HEPH: variants seen among roughly 807,000 people sequenced by gnomAD.
The protein encoded by HEPH is hephaestin.
Under a neutral mutation model 80.8 loss-of-function variants are expected in HEPH, and 69 were observed. That is an observed-to-expected ratio of 0.85 (90% CI 0.70 to 1.04). The LOEUF (loss-of-function observed/expected upper bound fraction) is 1.04, where lower values mean the gene tolerates loss of function less well. Ranked by LOEUF, HEPH falls within the 50% of genes least tolerant of loss-of-function variation. The pLI, the probability that HEPH is intolerant of heterozygous loss-of-function variation, is 0.00. For synonymous variants in HEPH, 431 were observed against 322.8 expected, an observed-to-expected ratio of 1.34 and a Z score of -3.60; for missense variants, 1,115 against 891.3, an observed-to-expected ratio of 1.25 and a Z score of -3.20.
At chrX:66,180,854 G>T (rs1275471014) in intron 4 of HEPH, among the ~76,000 whole-genome samples, 1 of 49,284 alleles carries the variant, frequency 2.0e-5, no homozygotes, top group Non-Finnish European at 3.7e-5. Context: ...CCCCTCCCCC[G>T]ACCCCACCAC....
intron 4 of HEPH, among the ~76,000 whole-genome samples, chrX:66,186,371 AC>A (rs1394607555): frequency 9.2e-6 from 1 of 109,140 alleles, no homozygotes; most frequent in East Asian, 2.9e-4. Flanking sequence ...TGGGCGTAGG[AC>A]CCTCTGAGCC....
At chrX:66,178,785 TG>T (rs1281062503) in intron 4 of HEPH, among the ~76,000 whole-genome samples, 2 of 112,297 alleles carry the variant, frequency 1.8e-5, no homozygotes, top group East Asian at 5.6e-4. Context: ...CACTTTTTGA[TG>T]GGGTTGTTTA....
At chrX:66,200,803 G>A in intron 12 of HEPH, 51 bp downstream of exon 12, 1 of 1,005,676 alleles carries the variant, frequency 9.9e-7, no homozygotes, top group Non-Finnish European at 1.4e-6. Flanking sequence ...ATAGGGCCAG[G>A]AATGGGGTCG....
intron 15 of HEPH, among the ~76,000 whole-genome samples, chrX:66,213,751 CA>C (rs1406755449): frequency 1.8e-5 from 2 of 111,243 alleles, no homozygotes; most frequent in Non-Finnish European, 3.8e-5. Context: ...GATGAAGTTA[CA>C]ATAATTAAAG....
intron 4 of HEPH, among the ~76,000 whole-genome samples, chrX:66,179,556 T>C (rs1213902490): frequency 8.9e-6 from 1 of 111,759 alleles, no homozygotes; most frequent in African/African-American, 3.2e-5. Flanking sequence ...TGAAATATTC[T>C]GTATGTATCT....
intron 15 of HEPH, among the ~76,000 whole-genome samples, chrX:66,241,964 G>A (rs999344427): frequency 6.4e-5 from 7 of 109,147 alleles, no homozygotes; most frequent in East Asian, 5.7e-4. Flanking sequence ...AGATTCAATG[G>A]TATTCCTATC....
intron 15 of HEPH, among the ~76,000 whole-genome samples, chrX:66,247,977 C>A (rs1311764478): frequency 9.0e-6 from 1 of 111,471 alleles, no homozygotes. Flanking sequence ...TGATTTGCAC[C>A]ATCTTCCCTT....
chrX:66,189,796 T>A lies in HEPH; in HGVS notation c.921T>A (p.Phe307Leu), dbSNP rs2087692803. ...ATGAAATTGATGTCCACACAGCATTTTTCCATGGACAGATGCTGACTACCC... is the reference window on the plus strand; with the variant it reads ...ATGAAATTGATGTCCACACAGCATTATTCCATGGACAGATGCTGACTACCC... Reference protein sequence around the residue: ...MGNEIDVHTAFFHGQMLTTRG... With the variant: ...MGNEIDVHTALFHGQMLTTRG... Residue 307 changes from phenylalanine (F) to leucine (L), a missense_variant, in exon 6 of 21, where the codon TTT (phenylalanine) becomes TTA (leucine). Phe to Leu is a conservative substitution (Grantham distance 22). Coordinates refer to ENST00000343002, the MANE Select transcript of HEPH (RefSeq NM_001367233.3). 8.3e-7 allele frequency: 1 copy of A among 1,211,407 alleles called. No homozygotes were observed. Among genetic ancestry groups the A allele is most frequent in the Non-Finnish European group, 1.1e-6 (1 of 895,464 alleles).
At chrX:66,186,376 C>T (rs1364018195) in intron 4 of HEPH, among the ~76,000 whole-genome samples, 2 of 110,827 alleles carry the variant, frequency 1.8e-5, no homozygotes, top group Non-Finnish European at 3.8e-5. Flanking sequence ...GTAGGACCCT[C>T]TGAGCCAGTT....
chrX:66,215,302 A>G (rs2089338226), intron 15 of HEPH, among the ~76,000 whole-genome samples: 1 of 106,982 alleles, frequency 9.3e-6, no homozygotes, highest in Admixed American at 1.0e-4. Context: ...GTCTTCTTGA[A>G]CTCCCTTATT....
chrX:66,176,931 C>T (rs1201877882), intron 4 of HEPH, among the ~76,000 whole-genome samples: 3 of 111,052 alleles, frequency 2.7e-5, no homozygotes, highest in Non-Finnish European at 3.8e-5. Context: ...TCTAAAACAC[C>T]AAAAGCAATG....
chrX:66,216,021 G>T (rs943719840), intron 15 of HEPH, among the ~76,000 whole-genome samples: 5 of 111,509 alleles, frequency 4.5e-5, no homozygotes, highest in Non-Finnish European at 9.4e-5. Flanking sequence ...CCACTGGCCT[G>T]GGAACCACAC....
chrX:66,257,533 C>G (rs2091221132), intron 17 of HEPH, among the ~76,000 whole-genome samples: 1 of 112,247 alleles, frequency 8.9e-6, no homozygotes, highest in South Asian at 3.7e-4. Context: ...GATTTCAGTT[C>G]TACAACTAAA....
intron 10 of HEPH, 21 bp downstream of exon 10, chrX:66,197,915 C>T: frequency 8.7e-7 from 1 of 1,149,106 alleles, no homozygotes; most frequent in Non-Finnish European, 1.2e-6. Flanking sequence ...GGTTATCTGG[C>T]TGGAAAGCCT....
chrX:66,225,387 C>T (rs2089834738), intron 15 of HEPH, among the ~76,000 whole-genome samples: 1 of 111,497 alleles, frequency 9.0e-6, no homozygotes, highest in South Asian at 3.7e-4. Flanking sequence ...CAGTTTACAC[C>T]AAAGCAGAAT....
Position 66,256,107 on chromosome X carries a change from C to T in HEPH, c.2673C>T (p.Asp891=), listed in dbSNP as rs1331144686. ...IYYSAVDPIK[D]MYSGLVGPLA... Reference sequence around the variant, plus strand: ...CTCCCACTTCCTCCCTTCCTCAGGACATGTATAGTGGCCTGGTGGGGCCCT... The same window carrying T: ...CTCCCACTTCCTCCCTTCCTCAGGATATGTATAGTGGCCTGGTGGGGCCCT... The change falls in exon 17 of 21, where the codon GAC becomes GAT. Residue 891 remains aspartate, a splice_region_variant and synonymous_variant. Coordinates refer to ENST00000343002, the MANE Select transcript of HEPH (RefSeq NM_001367233.3). 1.7e-6 allele frequency: 2 copies of T among 1,202,842 alleles called. No homozygotes were observed. The highest frequency in any genetic ancestry group is 3.5e-5 in the South Asian group (2 of 56,399).
Position 66,188,552 on chromosome X carries a change from A to G in HEPH, c.808+11A>G, listed in dbSNP as rs367615777. 3.4e-6 allele frequency: 4 copies of G among 1,188,238 alleles called. No individual in the cohort carries two copies. In the African/African-American group the frequency reaches 7.0e-5, roughly 21 times the overall value. On this transcript the variant is annotated intron_variant, in intron 5 of 20. Transcript: ENST00000343002. ...GCAATAGGATGCATGGTGAGTTGGG[A>G]AAAGGTGGCCACATTGTGACAGGGA...
At chrX:66,223,607 G>GT (rs769116655) in intron 15 of HEPH, among the ~76,000 whole-genome samples, 1 of 111,610 alleles carries the variant, frequency 9.0e-6, no homozygotes, top group East Asian at 2.8e-4. Context: ...AACCCATTGT[G>GT]TTTTTACTTT....
intron 15 of HEPH, among the ~76,000 whole-genome samples, chrX:66,242,708 T>G (rs940475385): frequency 8.9e-6 from 1 of 111,900 alleles, no homozygotes; most frequent in Non-Finnish European, 1.9e-5. Context: ...CACGAACAGA[T>G]ACTTCTTGAA....
Sources: allele counts gnomAD v4.1 joint callset (sites outside exome capture counted in the v4.1 genomes callset), GRCh38; gene constraint gnomAD v4.1.1; transcripts MANE v1.5; gene names NCBI Gene and HGNC (gene_info 2026-07-23, HGNC 2026-07-21).